SLC35D4: variants seen among roughly 807,000 people sequenced by gnomAD.
SLC35D4 encodes solute carrier family 35 member D4.
the SLC35D4 span, among the ~76,000 whole-genome samples, chr18:23,366,066 T>C: frequency 3.9e-5 from 6 of 152,340 alleles, no homozygotes; most frequent in African/African-American, 1.4e-4. Context: ...GCTACGTATA[T>C]TTTTGCCACA....
chr18:23,404,097 A>G, the SLC35D4 span, among the ~76,000 whole-genome samples: 1 of 152,174 alleles, frequency 6.6e-6, no homozygotes, highest in African/African-American at 2.4e-5. Context: ...CAGCCTGGCG[A>G]TAGAGCAAGA....
chr18:23,405,524 TATTTTGTTACAGAAGCCC>T, the SLC35D4 span, among the ~76,000 whole-genome samples: 3 of 152,228 alleles, frequency 2.0e-5, no homozygotes, highest in Non-Finnish European at 4.4e-5. Flanking sequence ...TGGTCTATGC[TATTTTGTTACAGAAGCCC>T]AAATGAACTA....
chr18:23,253,220 C>CA, the SLC35D4 span, among the ~76,000 whole-genome samples: 1 of 152,204 alleles, frequency 6.6e-6, no homozygotes, highest in Admixed American at 6.5e-5. Flanking sequence ...TGGTGGCTCA[C>CA]ACCTGTAATC....
the SLC35D4 span, among the ~76,000 whole-genome samples, chr18:23,246,482 C>T: frequency 6.6e-6 from 1 of 151,986 alleles, no homozygotes; most frequent in Non-Finnish European, 1.5e-5. Flanking sequence ...AGCTCCGCCT[C>T]CCGGGTTCAC....
chr18:23,296,206 A>C, the SLC35D4 span: 1 of 152,154 alleles, frequency 6.6e-6, no homozygotes, highest in Non-Finnish European at 1.5e-5. Context: ...ACAAACCTGC[A>C]CATTCTGCAC....
chr18:23,254,565 A>G, the SLC35D4 span, among the ~76,000 whole-genome samples: 3 of 152,224 alleles, frequency 2.0e-5, no homozygotes, highest in South Asian at 2.1e-4. Flanking sequence ...TGGTGCTGCC[A>G]TAACAAAATA....
the SLC35D4 span, among the ~76,000 whole-genome samples, chr18:23,338,017 C>T: frequency 1.3e-5 from 2 of 152,160 alleles, no homozygotes; most frequent in African/African-American, 2.4e-5. Context: ...CACAAGGAGG[C>T]GTTGTTATGG....
At chr18:23,325,609 A>G in the SLC35D4 span, among the ~76,000 whole-genome samples, 3 of 152,216 alleles carry the variant, frequency 2.0e-5, no homozygotes, top group Non-Finnish European at 4.4e-5. Context: ...GTTGTTACAG[A>G]CATTCAAGCA....
At chr18:23,408,681 A>G in the SLC35D4 span, among the ~76,000 whole-genome samples, 36 of 152,356 alleles carry the variant, frequency 2.4e-4, no homozygotes, top group Non-Finnish European at 4.4e-4. Flanking sequence ...ATTAACCATC[A>G]TGTTGTAACC....
chr18:23,371,935 G>GTTT, the SLC35D4 span, among the ~76,000 whole-genome samples: 9 of 35,478 alleles, frequency 2.5e-4, 1 homozygote, highest in Admixed American at 8.7e-4. Context: ...TGTTTTTTTT[G>GTTT]TTTTTTTTTT....
the SLC35D4 span, chr18:23,253,151 C>A: frequency 1.2e-5 from 9 of 762,658 alleles, no homozygotes; most frequent in African/African-American, 1.4e-4. Context: ...TCCAGTGGTC[C>A]TTCCTGTGGT....
At chr18:23,340,665 C>T in the SLC35D4 span, among the ~76,000 whole-genome samples, 2 of 152,148 alleles carry the variant, frequency 1.3e-5, no homozygotes, top group African/African-American at 4.8e-5. Context: ...CAGACAAAGG[C>T]TGGGTTTTCT....
At chr18:23,401,346 T>A in the SLC35D4 span, among the ~76,000 whole-genome samples, 1 of 152,154 alleles carries the variant, frequency 6.6e-6, no homozygotes, top group African/African-American at 2.4e-5. Flanking sequence ...GACATACAAA[T>A]AGATAAGCTG....
the SLC35D4 span, among the ~76,000 whole-genome samples, chr18:23,276,167 A>G: frequency 8.6e-5 from 13 of 151,660 alleles, no homozygotes; most frequent in East Asian, 1.9e-4. Context: ...GGCTCACTGC[A>G]AGCTCCGCCT....
chr18:23,369,955 C>T, the SLC35D4 span, among the ~76,000 whole-genome samples: 35 of 152,280 alleles, frequency 2.3e-4, 1 homozygote, highest in East Asian at 4.4e-3. Context: ...CCGAGGCGGG[C>T]GGATCACCTG....
chr18:23,411,636 T>C, the SLC35D4 span, among the ~76,000 whole-genome samples: 1 of 151,848 alleles, frequency 6.6e-6, no homozygotes, highest in Non-Finnish European at 1.5e-5. Context: ...TGCCAAGGGG[T>C]CTAATTTGAA....
the SLC35D4 span, among the ~76,000 whole-genome samples, chr18:23,332,331 A>G: frequency 6.6e-6 from 1 of 152,214 alleles, no homozygotes; most frequent in Admixed American, 6.5e-5. Context: ...CCACCATCTA[A>G]TTCCACAACA....
chr18:23,289,595 T>G, the SLC35D4 span, among the ~76,000 whole-genome samples: 1 of 152,094 alleles, frequency 6.6e-6, no homozygotes, highest in African/African-American at 2.4e-5. Context: ...TTTCACCATC[T>G]CAACACTTTA....
chr18:23,270,445 G>C, the SLC35D4 span, among the ~76,000 whole-genome samples: 25 of 152,184 alleles, frequency 1.6e-4, no homozygotes, highest in Admixed American at 3.3e-4. Context: ...TGTGGGGTTG[G>C]AGCCCCCACA....
Sources: gnomAD v4.1 joint callset for allele counts (sites outside exome capture counted in the v4.1 genomes callset) on GRCh38, gnomAD v4.1.1 for gene constraint, MANE v1.5 for transcripts, NCBI Gene and HGNC (gene_info 2026-07-23, HGNC 2026-07-21) for gene names.